Variants in OTOG observed in about 807,000 individuals in gnomAD.
The protein encoded by OTOG is otogelin.
In OTOG, 296 loss-of-function variants were observed where a neutral mutation model predicts 313.8. The ratio of observed to expected loss-of-function variants is 0.94; its 90% confidence interval spans 0.86 to 1.04. The LOEUF (loss-of-function observed/expected upper bound fraction) is 1.04. OTOG is among the 50% of genes least tolerant of loss of function. The pLI, the probability that OTOG is intolerant of heterozygous loss-of-function variation, is 0.00. For synonymous variants in OTOG, 1,533 were observed against 1,554.9 expected, an observed-to-expected ratio of 0.99 and a Z score of 0.33; for missense variants, 3,948 against 3,840.1, an observed-to-expected ratio of 1.03 and a Z score of -0.74.
chr11:17,599,945 G>A (rs545491646), intron 31 of OTOG, among the ~76,000 whole-genome samples: 2 of 152,330 alleles, frequency 1.3e-5, no homozygotes, highest in East Asian at 3.9e-4. Context: ...CGGGGACTGT[G>A]CTCGGCAGGG....
rs552317443 is a variant in OTOG at position 17,635,670 on chromosome 11, A to C, written c.7754A>C (p.His2585Pro). ...CAAGAAGGGGAGGCGCTCACTGTGC[A>C]CAGGAATACCACGGAACTCTGCTGC... is the stretch of plus-strand genomic sequence containing the variant. ...ECQEGEALTV[H>P]RNTTELCCPL... Residue 2585 changes from histidine (H) to proline (P), a missense_variant, in exon 47 of 56, where the codon CAC (histidine) becomes CCC (proline). By Grantham distance (77) the His-to-Pro change is moderately conservative. Coordinates refer to ENST00000399397, the MANE Select transcript of OTOG (RefSeq NM_001292063.2). 1 of 1,550,474 alleles carries C rather than the reference A, an allele frequency of 6.4e-7. No individual in the cohort carries two copies. Among genetic ancestry groups the C allele is most frequent in the African/African-American group, 1.4e-5 (1 of 73,050 alleles).
chr11:17,645,979 C>T lies in OTOG; in HGVS notation c.*35C>T, dbSNP rs1350458319. Reference sequence around the variant, plus strand: ...GCCCGGGCTAGCTGGACCACCTCTGCCAGCCCCACTTTCTGTTTCCAGCTG... The same window carrying T: ...GCCCGGGCTAGCTGGACCACCTCTGTCAGCCCCACTTTCTGTTTCCAGCTG... On this transcript the variant is annotated 3_prime_UTR_variant, in exon 56 of 56. Coordinates refer to ENST00000399397, the MANE Select transcript of OTOG (RefSeq NM_001292063.2). The T allele has an allele frequency of 3.9e-6, 6 of 1,534,624 alleles. No individual in the cohort carries two copies. In the Admixed American group the frequency reaches 7.8e-5, roughly 20 times the overall value.
At chr11:17,631,949 G>C in intron 41 of OTOG, 27 bp downstream of exon 41, 2 of 1,547,572 alleles carry the variant, frequency 1.3e-6, no homozygotes, top group Non-Finnish European at 1.7e-6. Flanking sequence ...TCCAGCACTG[G>C]GGACACCTCC....
At position 17,612,234 on chromosome 11, in the gene OTOG, C is replaced by G; in HGVS notation, c.6196C>G (p.His2066Asp). Reference sequence around the variant, plus strand: ...GCTGATTCGCGTGAATCAGTCCCAGCACTGTCCCCAGGGTGCTGCTCCCCC... The same window carrying G: ...GCTGATTCGCGTGAATCAGTCCCAGGACTGTCCCCAGGGTGCTGCTCCCCC... The part of the protein sequence containing the change: ...GQLIRVNQSQ[H>D]CPQGAAPPRC... Residue 2066 changes from histidine to aspartate, a missense_variant, in exon 37 of 56, where the codon CAC (histidine) becomes GAC (aspartate). Transcript: ENST00000399397. 6.5e-7 allele frequency: 1 copy of G among 1,548,724 alleles called. No homozygotes were observed. Among genetic ancestry groups the G allele is most frequent in the Non-Finnish European group, 8.7e-7 (1 of 1,146,988 alleles).
At chr11:17,572,266 G>A in intron 18 of OTOG, 62 bp downstream of exon 18, 2 of 1,535,214 alleles carry the variant, frequency 1.3e-6, no homozygotes, top group Non-Finnish European at 1.8e-6. Context: ...TGCTTTGAGA[G>A]AGATGAAAAG....
Position 17,610,674 on chromosome 11 carries a change from TCAA to T in OTOG, c.5376_5378del (p.Thr1793del), listed in dbSNP as rs775614431. 1 of 1,550,454 alleles carries T rather than the reference TCAA, an allele frequency of 6.4e-7. No homozygotes were observed. On this transcript the variant is annotated inframe_deletion, in exon 36 of 56. Transcript: ENST00000399397. ...AGCCACACCCTTCATGTCCCTTGAG[TCAA>T]CTCGTCCCTCCCAGCTCCTCTCTGG...
chr11:17,555,309 G>A (rs891949955), intron 6 of OTOG, among the ~76,000 whole-genome samples: 3 of 152,092 alleles, frequency 2.0e-5, no homozygotes, highest in African/African-American at 7.2e-5. Flanking sequence ...CAGGGGCATG[G>A]GGGAAGGGGA....
chr11:17,640,677 T>A (rs1170890821), intron 49 of OTOG, 68 bp from the exon 50 acceptor site: 1 of 1,477,066 alleles, frequency 6.8e-7, no homozygotes, highest in African/African-American at 1.4e-5. Context: ...GGGGCCCAGG[T>A]GGCAGACTGC....
Position 17,642,315 on chromosome 11 carries a change from A to G in OTOG, c.8415+69A>G, listed in dbSNP as rs2023484. The G allele has an allele frequency of 0.22, 325,690 of 1,489,780 alleles. 38,372 individuals are homozygous for G. The highest frequency in any genetic ancestry group is 0.39 in the African/African-American group (27,738 of 71,564). 92.3% of individuals were successfully genotyped at this position (1,489,780 alleles called of 1,614,324 possible). On this transcript the variant is annotated intron_variant, in intron 53 of 55. Coordinates refer to ENST00000399397, the MANE Select transcript of OTOG (RefSeq NM_001292063.2). Reference sequence around the variant, plus strand: ...AGCTGTCTCACTGGTGGTGGGGTGGAGGTCCTGTGTGCAGGAGTGCAGGAA... The same window carrying G: ...AGCTGTCTCACTGGTGGTGGGGTGGGGGTCCTGTGTGCAGGAGTGCAGGAA...
intron 24 of OTOG, among the ~76,000 whole-genome samples, chr11:17,588,705 T>C (rs1167386820): frequency 6.6e-6 from 1 of 152,188 alleles, no homozygotes; most frequent in African/African-American, 2.4e-5. Context: ...TTTTAGTATC[T>C]GTTTAGAGGT....
chr11:17,560,937 C>A, intron 13 of OTOG, 120 bp downstream of exon 13: 1 of 1,175,028 alleles, frequency 8.5e-7, no homozygotes, highest in Non-Finnish European at 1.2e-6. Flanking sequence ...ACCTTTGAGT[C>A]CCAGGGGAGT....
rs748630270 is a variant in OTOG at position 17,561,126 on chromosome 11, C to T, written c.1487C>T (p.Ala496Val). ...TCAGGCAAGTGGGAGTGCAGCACAG[C>T]TGTCTGCCCAGGTATGTCTGCCCCC... ...CTSGKWECST[A>V]VCPAECSVTG... The change falls in exon 14 of 56, where the codon GCT (alanine) becomes GTT (valine). Residue 496 changes from alanine (A) to valine (V), a missense_variant. By Grantham distance (64) the Ala-to-Val change is moderately conservative. Transcript: ENST00000399397. The T allele has an allele frequency of 3.2e-6, 5 of 1,550,470 alleles. No homozygotes were observed. The highest frequency in any genetic ancestry group is 4.4e-6 in the Non-Finnish European group (5 of 1,146,984).
At position 17,613,700 on chromosome 11, in the gene OTOG, A is replaced by G. The variant is rs931554933; in HGVS notation, c.6527A>G (p.Lys2176Arg). 2.3e-5 allele frequency: 36 copies of G among 1,544,174 alleles called. No homozygotes were observed. The Middle Eastern group carries it at 5.0e-4, about 21-fold the overall frequency. The part of the protein sequence containing the change: ...HQVTIDRFNR[K>R]VTVDLQPVWP... ...GTCACTATTGATCGCTTCAACCGAA[A>G]GGTGAGTGCATCAAACAGCCAGCCT... Residue 2176 changes from lysine (K) to arginine (R), a missense_variant and splice_region_variant, in exon 39 of 56, where the codon AAG becomes AGG. Physicochemically the swap from Lys to Arg is conservative, Grantham distance 26 (BLOSUM62 2). Coordinates refer to ENST00000399397, the MANE Select transcript of OTOG (RefSeq NM_001292063.2).
chr11:17,605,750 G>C (rs369734155), intron 32 of OTOG, 107 bp from the exon 33 acceptor site: 1 of 1,270,056 alleles, frequency 7.9e-7, no homozygotes, highest in Non-Finnish European at 1.1e-6. Context: ...GTCTGCAGGC[G>C]TGCTGCCATC....
intron 33 of OTOG, among the ~76,000 whole-genome samples, chr11:17,606,387 T>C (rs1051568654): frequency 2.0e-5 from 3 of 152,246 alleles, no homozygotes; most frequent in Non-Finnish European, 4.4e-5. Context: ...CACAGGCCAA[T>C]TACACTGTCT....
At chr11:17,599,168 TCA>T (rs1450472921) in intron 30 of OTOG, among the ~76,000 whole-genome samples, 1 of 152,190 alleles carries the variant, frequency 6.6e-6, no homozygotes, top group East Asian at 1.9e-4. Flanking sequence ...CGGGAGCTTC[TCA>T]CAGCTCGGCT....
chr11:17,580,212 T>A (rs1323819203), intron 23 of OTOG, among the ~76,000 whole-genome samples: 1 of 152,224 alleles, frequency 6.6e-6, no homozygotes, highest in Non-Finnish European at 1.5e-5. Flanking sequence ...ATCTGGGGTC[T>A]GGCCAAGGGC....
chr11:17,625,652 A>T (rs1173942525), intron 39 of OTOG, among the ~76,000 whole-genome samples: 1 of 152,010 alleles, frequency 6.6e-6, no homozygotes, highest in Non-Finnish European at 1.5e-5. Flanking sequence ...AGATTATTAG[A>T]TTTTTTTCCT....
intron 36 of OTOG, 48 bp from the exon 37 acceptor site, chr11:17,612,114 G>A: frequency 4.5e-6 from 7 of 1,544,014 alleles, no homozygotes; most frequent in Non-Finnish European, 6.1e-6. Context: ...TGCAGGGTGG[G>A]CTGTAGCTCC....
Sources: gnomAD v4.1 joint callset for allele counts (sites outside exome capture counted in the v4.1 genomes callset) on GRCh38, gnomAD v4.1.1 for gene constraint, MANE v1.5 for transcripts, NCBI Gene and HGNC (gene_info 2026-07-23, HGNC 2026-07-21) for gene names.